ETNPPL: variants seen among roughly 807,000 people sequenced by gnomAD.
The protein encoded by ETNPPL is alanine--glyoxylate aminotransferase 2-like 1.
Under a neutral mutation model 55.5 loss-of-function variants are expected in ETNPPL, and 30 were observed. The ratio of observed to expected loss-of-function variants is 0.54; its 90% CI spans 0.40 to 0.73. The LOEUF is 0.73. Among genes scored for constraint, ETNPPL ranks in the 30% least tolerant of loss-of-function variants. ETNPPL has a pLI of 0.00. For synonymous variants in ETNPPL, 202 were observed against 207.2 expected (o/e 0.98, Z 0.21); for missense variants, 528 against 607.9 (o/e 0.87, Z 1.38).
rs764567249 is a variant in ETNPPL at position 108,749,264 on chromosome 4, T to G, written c.901A>C (p.Ser301Arg). ...GTATTAAAATATTCCATCCCAGAGC[T>G]GCTGAAGGCTTCTGCAATTTCTTTG... ...TTKEIAEAFS[S>R]SGMEYFNTYG... The change falls in exon 8 of 13, where the codon AGC becomes CGC. Residue 301 changes from serine to arginine, a missense_variant. Coordinates refer to ENST00000296486, the MANE Select transcript of ETNPPL (RefSeq NM_031279.4). 3.7e-6 allele frequency: 6 copies of G among 1,613,788 alleles called. No homozygotes were observed. In the African/African-American group the frequency reaches 5.3e-5, roughly 14 times the overall value.
intron 8 of ETNPPL, among the ~76,000 whole-genome samples, chr4:108,748,770 A>G (rs1728744668): frequency 6.6e-6 from 1 of 152,188 alleles, no homozygotes; most frequent in South Asian, 2.1e-4. Flanking sequence ...TATGATATGA[A>G]ACAAAGAAAT....
intron 11 of ETNPPL, 135 bp from the exon 12 acceptor site, chr4:108,743,991 T>A (rs530854513): frequency 4.7e-6 from 3 of 636,444 alleles, no homozygotes; most frequent in Non-Finnish European, 8.3e-6. Flanking sequence ...GGCTGGGCGC[T>A]GTGGCTCATG....
chr4:108,743,682 C>T (rs2125668999), intron 12 of ETNPPL, 107 bp downstream of exon 12: 1 of 782,846 alleles, frequency 1.3e-6, no homozygotes, highest in African/African-American at 1.7e-5. Flanking sequence ...TACAGGCTGG[C>T]ATTGTTCTAA....
intron 4 of ETNPPL, chr4:108,754,929 G>A: frequency 2.1e-6 from 1 of 477,192 alleles, no homozygotes. Context: ...CTCATAGAAA[G>A]CCAAGCATGT....
chr4:108,749,499 C>T, intron 7 of ETNPPL, 36 bp from the exon 8 acceptor site: 1 of 1,498,658 alleles, frequency 6.7e-7, no homozygotes. Flanking sequence ...GCCTTCAGGT[C>T]ACTGAGATCC....
At chr4:108,746,581 A>G (rs1728511321) in intron 10 of ETNPPL, 52 bp from the exon 11 acceptor site, 1 of 1,586,372 alleles carries the variant, frequency 6.3e-7, no homozygotes, top group South Asian at 1.1e-5. Flanking sequence ...AACTACGATT[A>G]CTGAAGAATT....
rs949941382 is a variant in ETNPPL, at chr4:108,742,683, A to T, written c.1372-71T>A. The T allele has an allele frequency of 1.9e-6, 3 of 1,562,562 alleles. No individual in the cohort carries two copies. In the African/African-American group the frequency reaches 4.1e-5, roughly 21 times the overall value. On this transcript the variant is annotated intron_variant, in intron 12 of 12. Transcript: ENST00000296486. ...CCAGCCTCCACAGGACTGACTTAAC[A>T]AGTCCACACACAAACAAAGGACACA...
intron 3 of ETNPPL, 86 bp downstream of exon 3, chr4:108,759,663 C>G: frequency 7.2e-7 from 1 of 1,384,684 alleles, no homozygotes; most frequent in Middle Eastern, 1.8e-4. Context: ...GGACAAGCTC[C>G]ACCATGAATC....
rs752510898 is a variant in ETNPPL at position 108,754,668 on chromosome 4, T to C, written c.453A>G (p.Pro151=). The C allele has an allele frequency of 4.4e-6, 7 of 1,601,228 alleles. No homozygotes were observed. Among genetic ancestry groups the C allele is most frequent in the Non-Finnish European group, 6.0e-6 (7 of 1,169,716 alleles). ...CATCTTTTCCTTTCTGAAACTTATA[T>C]GGGCTAATCTCAATTAAGGATGATA... The part of the protein sequence containing the change: ...GHLSSLIEIS[P]YKFQKGKDVK... The change falls in exon 5 of 13, where the codon CCA becomes CCG. Residue 151 remains proline (P), a synonymous_variant. Coordinates refer to ENST00000296486, the MANE Select transcript of ETNPPL (RefSeq NM_031279.4).
Position 108,763,022 on chromosome 4 carries a change from T to G in ETNPPL, c.-124A>C. On this transcript the variant is annotated 5_prime_UTR_variant, in exon 1 of 13. Transcript: ENST00000296486. ...TCCCGTTATCCCTCCTGGCGTTCTC[T>G]TGCCCGGGGCGTCGGAGGTCACCGG... The G allele has an allele frequency of 3.6e-6, 3 of 844,692 alleles. No homozygotes were observed. Among genetic ancestry groups the G allele is most frequent in the Non-Finnish European group, 5.7e-6 (3 of 524,192 alleles). The allele number at this position is 844,692 out of a possible 1,614,324, so 52.3% of individuals were successfully genotyped here.
intron 8 of ETNPPL, among the ~76,000 whole-genome samples, chr4:108,748,772 CAAAG>C (rs1261607307): frequency 1.3e-5 from 2 of 151,788 alleles, no homozygotes; most frequent in African/African-American, 4.8e-5. Flanking sequence ...TGATATGAAA[CAAAG>C]AAATGAAAAT....
chr4:108,759,709 T>C, intron 3 of ETNPPL, 40 bp downstream of exon 3: 1 of 1,598,806 alleles, frequency 6.3e-7, no homozygotes, highest in Non-Finnish European at 8.6e-7. Context: ...TAGACAAAGT[T>C]TAGTGGGAAT....
chr4:108,744,534 A>G (rs1728372801), intron 11 of ETNPPL, among the ~76,000 whole-genome samples: 1 of 151,930 alleles, frequency 6.6e-6, no homozygotes, highest in African/African-American at 2.4e-5. Flanking sequence ...AATGCTTGCC[A>G]GGTCTGGGTG....
At chr4:108,747,648 A>C (rs1728670900) in intron 9 of ETNPPL, 1 of 165,494 alleles carries the variant, frequency 6.0e-6, no homozygotes, top group Non-Finnish European at 1.3e-5. Flanking sequence ...AATAAGAATA[A>C]TTTTTGCTAT....
At chr4:108,749,156 T>C (rs1078132) in intron 8 of ETNPPL, 82 bp downstream of exon 8, 97,128 of 1,093,106 alleles carry the variant, frequency 0.089, 8,630 homozygotes, top group East Asian at 0.5. Flanking sequence ...TACTGAGCTT[T>C]ATTCTTTACT....
At chr4:108,749,714 T>C (rs1353822170) in intron 7 of ETNPPL, among the ~76,000 whole-genome samples, 3 of 152,034 alleles carry the variant, frequency 2.0e-5, no homozygotes, top group African/African-American at 7.3e-5. Context: ...TATATTGCAG[T>C]ATTTTTTTTT....
chr4:108,752,991 G>A lies in ETNPPL; in HGVS notation c.522C>T (p.Tyr174=). The part of the protein sequence containing the change: ...FVHVAPTPDT[Y]RGKYREDHAD... ...CATGGTCTTCTCTATATTTTCCTCTGTAAGTATCTGGAGTTGGTGCCTGAA... is the reference window on the plus strand; with the variant it reads ...CATGGTCTTCTCTATATTTTCCTCTATAAGTATCTGGAGTTGGTGCCTGAA... Residue 174 remains tyrosine, a synonymous_variant, in exon 6 of 13, where the codon TAC becomes TAT. Transcript: ENST00000296486. The A allele has an allele frequency of 6.2e-7, 1 of 1,607,580 alleles. No homozygotes were observed. Among genetic ancestry groups the A allele is most frequent in the Non-Finnish European group, 8.5e-7 (1 of 1,176,344 alleles).
chr4:108,754,967 G>T (rs1310674215), intron 4 of ETNPPL, among the ~76,000 whole-genome samples: 1 of 152,096 alleles, frequency 6.6e-6, no homozygotes, highest in Non-Finnish European at 1.5e-5. Flanking sequence ...CTTTTTAGTT[G>T]GGAAAAACTG....
chr4:108,754,449 A>C (rs1471586999), intron 5 of ETNPPL, among the ~76,000 whole-genome samples, 171 bp downstream of exon 5: 2 of 152,212 alleles, frequency 1.3e-5, no homozygotes, highest in African/African-American at 4.8e-5. Flanking sequence ...TAGATAAATA[A>C]ATTTTAAATA....
Sources: gnomAD v4.1 joint callset for allele counts (sites outside exome capture counted in the v4.1 genomes callset) on GRCh38, gnomAD v4.1.1 for gene constraint, MANE v1.5 for transcripts, NCBI Gene and HGNC (gene_info 2026-07-23, HGNC 2026-07-21) for gene names.